HOPX: variants seen among roughly 807,000 people sequenced by gnomAD.
HOPX encodes the protein HOP homeobox.
A neutral mutation model predicts 11.8 loss-of-function variants in HOPX; 5 were observed. That is an observed-to-expected ratio of 0.43 (90% confidence interval 0.22 to 0.89). HOPX has a LOEUF of 0.89. Among genes scored for constraint, HOPX ranks in the 40% least tolerant of loss-of-function variants. The pLI is 0.28. For missense variants in HOPX, 119 were observed against 120.0 expected, an observed-to-expected ratio of 0.99 and a Z score of 0.04; for synonymous variants, 49 against 49.7, an observed-to-expected ratio of 0.99 and a Z score of 0.06.
chr4:56,649,961 A>G (rs1717002489), intron 3 of HOPX: 1 of 152,256 alleles, frequency 6.6e-6, no homozygotes, highest in Non-Finnish European at 1.5e-5. Flanking sequence ...ACAGAGCTCT[A>G]TGGGAAGTCA....
chr4:56,656,176 C>A lies in HOPX; in HGVS notation c.43-164G>T, dbSNP rs903160049. 11 of 1,117,632 alleles carry A rather than the reference C, an allele frequency of 9.8e-6. No homozygotes were observed. The Admixed American group carries it at 4.4e-4, about 45-fold the overall frequency. The allele number at this position is 1,117,632 out of a possible 1,614,324, so 69.2% of individuals were successfully genotyped here. A position where few individuals can be genotyped will look rare whatever the true frequency, so the allele number is the denominator to read the frequency against. The stretch of plus-strand genomic sequence containing the variant: ...CCGGTGGCTGCACGCTGAGCGGGGG[C>A]TTACGGCTGCCCCCCACCCGGGCCT... On this transcript the variant is annotated intron_variant, in intron 2 of 3. Coordinates refer to ENST00000420433, the MANE Select transcript of HOPX (RefSeq NM_032495.6).
chr4:56,666,470 A>G (rs529002681), intron 1 of HOPX, among the ~76,000 whole-genome samples: 3 of 152,326 alleles, frequency 2.0e-5, no homozygotes, highest in African/African-American at 7.2e-5. Context: ...CATTGGAGGA[A>G]AGGGTGTCTG....
At chr4:56,661,213 A>G (rs1258826675) in intron 1 of HOPX, among the ~76,000 whole-genome samples, 1 of 152,218 alleles carries the variant, frequency 6.6e-6, no homozygotes, top group Non-Finnish European at 1.5e-5. Context: ...CATACCATAT[A>G]TAATTTTTCT....
At chr4:56,659,631 C>A (rs1717986978) in intron 1 of HOPX, 1 of 152,182 alleles carries the variant, frequency 6.6e-6, no homozygotes, top group Admixed American at 6.5e-5. Context: ...GCTTCTCAAG[C>A]CTGGATGGGC....
At chr4:56,655,283 C>A (rs926248286) in intron 3 of HOPX, among the ~76,000 whole-genome samples, 1 of 152,136 alleles carries the variant, frequency 6.6e-6, no homozygotes, top group African/African-American at 2.4e-5. Flanking sequence ...GCTCGGGGGA[C>A]GCTGCAGTGT....
At chr4:56,672,396 A>C (rs140283417) in intron 1 of HOPX, among the ~76,000 whole-genome samples, 24 of 152,000 alleles carry the variant, frequency 1.6e-4, no homozygotes, top group African/African-American at 5.3e-4. Flanking sequence ...AAAATTAGCC[A>C]GGCATGGTGG....
intron 3 of HOPX, among the ~76,000 whole-genome samples, chr4:56,653,353 A>AGCCAGACAC (rs1350578289): frequency 6.6e-6 from 1 of 152,190 alleles, no homozygotes; most frequent in Non-Finnish European, 1.5e-5. Context: ...TACTGTGCCC[A>AGCCAGACAC]GCCAGACACT....
intron 3 of HOPX, among the ~76,000 whole-genome samples, chr4:56,652,310 G>C (rs1717272279): frequency 6.6e-6 from 1 of 152,078 alleles, no homozygotes; most frequent in African/African-American, 2.4e-5. Context: ...AATCAGTTCT[G>C]GTAACTATCT....
At chr4:56,653,949 G>A (rs1219818304) in intron 3 of HOPX, among the ~76,000 whole-genome samples, 1 of 152,186 alleles carries the variant, frequency 6.6e-6, no homozygotes, top group Non-Finnish European at 1.5e-5. Context: ...CTTGAGGAAA[G>A]GTTGAATATA....
chr4:56,674,958 A>G (rs1477823760), intron 1 of HOPX, among the ~76,000 whole-genome samples: 1 of 150,446 alleles, frequency 6.6e-6, no homozygotes, highest in African/African-American at 2.5e-5. Flanking sequence ...GGCTCAAACA[A>G]TCCTCCCACC....
chr4:56,651,452 T>C (rs1458200202), intron 3 of HOPX, among the ~76,000 whole-genome samples: 1 of 152,198 alleles, frequency 6.6e-6, no homozygotes, highest in Non-Finnish European at 1.5e-5. Flanking sequence ...TGCACATCAG[T>C]GCTAATTTTC....
upstream of HOPX, chr4:56,681,520 G>A (rs919348653): frequency 2.1e-5 from 21 of 999,232 alleles, no homozygotes; most frequent in Non-Finnish European, 2.4e-5. Context: ...GAACTTTCTC[G>A]TCACTATCTT....
intron 3 of HOPX, chr4:56,650,867 T>G: frequency 6.8e-7 from 1 of 1,481,046 alleles, no homozygotes; most frequent in South Asian, 1.4e-5. Flanking sequence ...GAAATTCTAC[T>G]GCTAAGGGTG....
chr4:56,649,366 T>A (rs1716934579), intron 3 of HOPX: 1 of 152,260 alleles, frequency 6.6e-6, no homozygotes, highest in Admixed American at 6.5e-5. Flanking sequence ...CCCAGATAGA[T>A]CTCTATGGCT....
chr4:56,655,504 C>G (rs1447177190), intron 3 of HOPX, among the ~76,000 whole-genome samples: 1 of 152,220 alleles, frequency 6.6e-6, no homozygotes, highest in East Asian at 1.9e-4. Context: ...GAAGGCGAGA[C>G]AGGGACAGGC....
At chr4:56,676,964 G>T (rs145274399) in intron 1 of HOPX, among the ~76,000 whole-genome samples, 1 of 151,708 alleles carries the variant, frequency 6.6e-6, no homozygotes, top group Non-Finnish European at 1.5e-5. Flanking sequence ...GGGAGGGGGT[G>T]GGGGGGCTGC....
chr4:56,671,658 G>A (rs559087080), intron 1 of HOPX, among the ~76,000 whole-genome samples: 1 of 151,982 alleles, frequency 6.6e-6, no homozygotes, highest in Non-Finnish European at 1.5e-5. Flanking sequence ...CAAACAGAGG[G>A]TGTGCAGCTT....
intron 1 of HOPX, among the ~76,000 whole-genome samples, chr4:56,666,633 G>T (rs1029570561): frequency 2.0e-5 from 3 of 152,100 alleles, no homozygotes; most frequent in African/African-American, 4.8e-5. Context: ...TAAAACTTAG[G>T]CTTCTTCTTT....
Position 56,674,111 on chromosome 4 carries a change from T to C in HOPX, c.-84+7144A>G, listed in dbSNP as rs1292532431. Among the ~76,000 whole-genome samples, 162 of 151,674 alleles carry C rather than the reference T, an allele frequency of 1.1e-3. 2 individuals are homozygous for C. The highest frequency in any genetic ancestry group is 1.5e-4 in the Non-Finnish European group (10 of 68,026). On this transcript the variant is annotated intron_variant, in intron 1 of 3. Transcript: ENST00000420433. ...CCCTGAGCCAGGTACAGTGTATTAA[T>C]GAAAGTAGGGGTGGCCTCCTGCTTT...
Sources: gnomAD v4.1 joint callset for allele counts (sites outside exome capture counted in the v4.1 genomes callset) on GRCh38, gnomAD v4.1.1 for gene constraint, MANE v1.5 for transcripts, NCBI Gene and HGNC (gene_info 2026-07-23, HGNC 2026-07-21) for gene names.